Variants in ZMYM6 observed in about 807,000 individuals in gnomAD.
ZMYM6 encodes zinc finger MYM-type containing 6.
In ZMYM6, 90 loss-of-function variants were observed where a neutral mutation model predicts 134.0. The ratio of observed to expected loss-of-function variants is 0.67; its 90% CI spans 0.57 to 0.80. The LOEUF (loss-of-function observed/expected upper bound fraction) is 0.80, where lower values mean the gene tolerates loss of function less well. Ranked by LOEUF, ZMYM6 falls within the 30% of genes least tolerant of loss-of-function variation. The probability of loss-of-function intolerance (pLI) is 0.00; values close to 1 mark genes in which losing one functional copy is unlikely to be tolerated. For synonymous variants in ZMYM6, 481 were observed against 524.1 expected (o/e 0.92, Z 1.12); for missense variants, 1,362 against 1,533.9 (o/e 0.89, Z 1.87).
chr1:35,022,990 C>T (rs1641338157), intron 2 of ZMYM6, among the ~76,000 whole-genome samples: 2 of 152,174 alleles, frequency 1.3e-5, no homozygotes, highest in African/African-American at 2.4e-5. Flanking sequence ...GATAATATTA[C>T]CTAACCCATA....
intron 4 of ZMYM6, chr1:35,018,251 G>A (rs528723235): frequency 1.3e-5 from 2 of 152,092 alleles, no homozygotes; most frequent in South Asian, 4.2e-4. Context: ...GGCTGAGGTG[G>A]GAGGATCATC....
intron 14 of ZMYM6, among the ~76,000 whole-genome samples, chr1:34,997,348 G>C (rs1207875028): frequency 6.6e-6 from 1 of 152,188 alleles, no homozygotes; most frequent in African/African-American, 2.4e-5. Context: ...CTGTCACCCA[G>C]ACTGGAGTGC....
chr1:35,029,456 A>G (rs982890482), intron 2 of ZMYM6, among the ~76,000 whole-genome samples: 2 of 152,126 alleles, frequency 1.3e-5, no homozygotes, highest in Non-Finnish European at 2.9e-5. Context: ...GGTGGTAAGA[A>G]TGGTGCCTGA....
At chr1:35,005,436 T>C (rs938604879) in intron 12 of ZMYM6, among the ~76,000 whole-genome samples, 164 bp from the exon 13 acceptor site, 1 of 152,036 alleles carries the variant, frequency 6.6e-6, no homozygotes, top group Admixed American at 6.6e-5. Flanking sequence ...GTCAGATTAG[T>C]GTTCTTTAGG....
At chr1:35,026,942 A>C (rs891741140) in intron 2 of ZMYM6, among the ~76,000 whole-genome samples, 1 of 152,188 alleles carries the variant, frequency 6.6e-6, no homozygotes, top group African/African-American at 2.4e-5. Flanking sequence ...AGATTAGTAT[A>C]ATCAGTATGA....
rs981640097 is a variant in ZMYM6, at chr1:34,987,498, G to A, written c.3584C>T (p.Ser1195Phe). The change falls in exon 16 of 16, where the codon TCT (serine) becomes TTT (phenylalanine). Residue 1195 changes from serine (S) to phenylalanine (F), a missense_variant. Physicochemically the swap from Ser to Phe is radical, Grantham distance 155. Around this residue, in one of 3 missense-constraint regions of ZMYM6, gnomAD observed 824 missense variants for 940.9 expected, o/e 0.88. Coordinates refer to ENST00000357182, the MANE Select transcript of ZMYM6 (RefSeq NM_007167.4). ...TGGAAAACAGTCACTGAACACTTGAGAAAGTCCTTCCAGGTGCTCAAAAAT... is the reference window on the plus strand; with the variant it reads ...TGGAAAACAGTCACTGAACACTTGAAAAAGTCCTTCCAGGTGCTCAAAAAT... ...RIIFEHLEGLSQVFSDCFPPE... is the reference protein window; with the variant it reads ...RIIFEHLEGLFQVFSDCFPPE... 1.2e-6 allele frequency: 2 copies of A among 1,613,110 alleles called. No individual in the cohort carries two copies. Among genetic ancestry groups the A allele is most frequent in the Admixed American group, 1.7e-5 (1 of 59,912 alleles).
chr1:35,004,949 T>A lies in ZMYM6; in HGVS notation c.1954+183A>T, dbSNP rs182415715. Among the ~76,000 whole-genome samples the A allele has an allele frequency of 3.8e-3, 575 of 152,096 alleles. 1 individual carries two copies. Among genetic ancestry groups the A allele is most frequent in the Non-Finnish European group, 6.4e-3 (432 of 67,992 alleles). Reference sequence around the variant, plus strand: ...GGCAGGCACCTGTAATCCCAGCTACTCGGGAGGCTGAGGCAGGAGAATTGC... The same window carrying A: ...GGCAGGCACCTGTAATCCCAGCTACACGGGAGGCTGAGGCAGGAGAATTGC... On this transcript the variant is annotated intron_variant, in intron 13 of 15. Transcript: ENST00000357182.
At chr1:34,989,166 G>A (rs1569734011) in intron 15 of ZMYM6, 1 of 1,292,104 alleles carries the variant, frequency 7.7e-7, no homozygotes, top group East Asian at 3.6e-5. Context: ...GTAGGATGTG[G>A]TACATGTACA....
chr1:34,986,989 T>C lies in ZMYM6; in HGVS notation c.*115A>G. On this transcript the variant is annotated 3_prime_UTR_variant, in exon 16 of 16. Transcript: ENST00000357182. Reference sequence around the variant, plus strand: ...TTCCTCAACAAAAAGGGAAAAATTATTAAAACATTTAATCACTGAAAACAC... The same window carrying C: ...TTCCTCAACAAAAAGGGAAAAATTACTAAAACATTTAATCACTGAAAACAC... 1 of 688,600 alleles carries C rather than the reference T, an allele frequency of 1.5e-6. No individual in the cohort carries two copies. The highest frequency in any genetic ancestry group is 2.2e-6 in the Non-Finnish European group (1 of 461,590). The allele number at this position is 688,600 out of a possible 1,614,324, so 42.7% of individuals were successfully genotyped here.
rs1479825086 is a variant in ZMYM6 at position 34,992,731 on chromosome 1, AC to A, written c.1993-345del. On this transcript the variant is annotated intron_variant, in intron 14 of 15. Transcript: ENST00000357182. ...TTATAAACTATAAAAATAAAAATATACTTATAAACTATAAATATAAAAATAT... is the reference window on the plus strand; with the variant it reads ...TTATAAACTATAAAAATAAAAATATATTATAAACTATAAATATAAAAATAT... Among the ~76,000 whole-genome samples the A allele has an allele frequency of 1.1e-3, 154 of 141,170 alleles. 12 individuals are homozygous for A. Among genetic ancestry groups the A allele is most frequent in the African/African-American group, 3.6e-3 (131 of 36,474 alleles). 92.6% of individuals were successfully genotyped at this position (141,170 alleles called of 152,430 possible).
In ZMYM6 at chr1:35,008,841, G is replaced by A; in HGVS notation, c.1576C>T (p.Pro526Ser). 6.2e-7 allele frequency: 1 copy of A among 1,614,044 alleles called. No individual in the cohort carries two copies. The highest frequency in any genetic ancestry group is 8.5e-7 in the Non-Finnish European group (1 of 1,179,992). Reference sequence around the variant, plus strand: ...TCCAATCGATTTTCTACCAAATTTGGGGATGTCTGTGAACAGTAGCTGCAC... The same window carrying A: ...TCCAATCGATTTTCTACCAAATTTGAGGATGTCTGTGAACAGTAGCTGCAC... ...KMCSYCSQTS[P>S]NLVENRLEGK... The change falls in exon 11 of 16, where the codon CCA (proline) becomes TCA (serine). Residue 526 changes from proline to serine, a missense_variant. Physicochemically the swap from Pro to Ser is moderately conservative, Grantham distance 74. Around this residue, in one of 3 missense-constraint regions of ZMYM6, gnomAD observed 824 missense variants for 940.9 expected, o/e 0.88. Transcript: ENST00000357182.
At position 34,987,323 on chromosome 1, in the gene ZMYM6, T is replaced by C. The variant is rs368863428; in HGVS notation, c.3759A>G (p.Val1253=). 148 of 1,612,576 alleles carry C rather than the reference T, an allele frequency of 9.2e-5. No homozygotes were observed. The highest frequency in any genetic ancestry group is 1.2e-4 in the Non-Finnish European group (136 of 1,179,404). Residue 1253 remains valine, a synonymous_variant, in exon 16 of 16, where the codon GTA becomes GTG. Transcript: ENST00000357182. ...TCTTTGCATTTATCCAAAACTGAGT[T>C]ACAGACACTGATTTAAATAGTGCTT... The part of the protein sequence containing the change: ...GLQALFKSVS[V]TQFWINAKTS...
chr1:35,017,017 A>C (rs1464633643), intron 4 of ZMYM6, among the ~76,000 whole-genome samples: 1 of 152,092 alleles, frequency 6.6e-6, no homozygotes, highest in Non-Finnish European at 1.5e-5. Flanking sequence ...AAAAAAAAAA[A>C]AATCCCCAAA....
intron 12 of ZMYM6, 93 bp from the exon 13 acceptor site, chr1:35,005,365 T>A: frequency 7.5e-7 from 1 of 1,336,290 alleles, no homozygotes. Context: ...GTTTAGTAAC[T>A]AGGTTTTCAA....
chr1:35,012,638 T>C (rs934532641), intron 6 of ZMYM6, 57 bp from the exon 7 acceptor site: 16 of 1,572,748 alleles, frequency 1.0e-5, no homozygotes, highest in Middle Eastern at 1.8e-4. Context: ...TTACATATTG[T>C]TCAAAAAAGT....
In ZMYM6 at chr1:35,026,963, C is replaced by A. The variant is rs561229359; in HGVS notation, c.93+3584G>T. On this transcript the variant is annotated intron_variant, in intron 2 of 15. Transcript: ENST00000357182. ...GTATAATCAGTATGAAGACAAAATT[C>A]ATTGACCTGTAGATACCATAATAAA... Among the ~76,000 whole-genome samples, 73 of 152,120 alleles carry A rather than the reference C, an allele frequency of 4.8e-4. 1 individual carries two copies. In the South Asian group the frequency reaches 0.014, roughly 29 times the overall value.
chr1:34,990,824 G>C (rs2148441780), intron 15 of ZMYM6, among the ~76,000 whole-genome samples: 1 of 151,786 alleles, frequency 6.6e-6, no homozygotes, highest in Admixed American at 6.5e-5. Context: ...CCAATGCAAT[G>C]TCAAATGAAA....
chr1:34,988,981 C>T, intron 15 of ZMYM6, 46 bp from the exon 16 acceptor site: 1 of 1,577,988 alleles, frequency 6.3e-7, no homozygotes, highest in African/African-American at 1.4e-5. Flanking sequence ...AACAAATAAG[C>T]AATGTTCTTT....
Position 34,994,707 on chromosome 1 carries a change from G to A in ZMYM6, c.1993-2320C>T, listed in dbSNP as rs138333948. Among the ~76,000 whole-genome samples the A allele has an allele frequency of 3.5e-4, 53 of 151,872 alleles. No individual in the cohort carries two copies. The East Asian group carries it at 8.1e-3, about 23-fold the overall frequency. On this transcript the variant is annotated intron_variant, in intron 14 of 15. Transcript: ENST00000357182. Reference sequence around the variant, plus strand: ...TCAAAATGTACAGAAGTATTGCGTTGGTACAAAAATAATTGTGGTTTTTGC... The same window carrying A: ...TCAAAATGTACAGAAGTATTGCGTTAGTACAAAAATAATTGTGGTTTTTGC...
Sources: gnomAD v4.1 joint callset for allele counts (sites outside exome capture counted in the v4.1 genomes callset) on GRCh38, gnomAD v4.1.1 for gene constraint, gnomAD v4.1.1 regional missense constraint, MANE v1.5 for transcripts, NCBI Gene and HGNC (gene_info 2026-07-23, HGNC 2026-07-21) for gene names.